The following GNB1L variants were observed in gnomAD, a reference collection of about 807,000 sequenced individuals.
GNB1L encodes guanine nucleotide-binding protein subunit beta-like protein 1.
Under a neutral mutation model 29.1 loss-of-function variants are expected in GNB1L, and 20 were observed. The observed-to-expected ratio is 0.69, with a 90% CI of 0.48 to 1.00. GNB1L has a LOEUF of 1.00. Ranked by LOEUF, GNB1L falls within the 50% of genes least tolerant of loss-of-function variation. The pLI is 0.00. For synonymous variants in GNB1L, 193 were observed against 206.5 expected, an observed-to-expected ratio of 0.93 and a Z score of 0.56; for missense variants, 421 against 464.9, an observed-to-expected ratio of 0.91 and a Z score of 0.87.
rs1435635251 is a variant in GNB1L at position 19,812,306 on chromosome 22, C to T, written c.396G>A (p.Val132=). Residue 132 remains valine, a synonymous_variant, in exon 5 of 8, where the codon GTG becomes GTA. Transcript: ENST00000329517. ...TCACCTCGTCGCTGCCCCTCCCTGG[C>T]ACGGCAAGCGTCCAGCGTGGCTGGC... is the stretch of plus-strand genomic sequence containing the variant. The part of the protein sequence containing the change: ...AGGQPRWTLA[V]PGRGSDEVQI... The T allele has an allele frequency of 1.9e-6, 3 of 1,612,632 alleles. No individual in the cohort carries two copies. The highest frequency in any genetic ancestry group is 2.5e-6 in the Non-Finnish European group (3 of 1,179,784).
chr22:19,825,807 A>G (rs1937615662), intron 2 of GNB1L, among the ~76,000 whole-genome samples: 1 of 150,926 alleles, frequency 6.6e-6, no homozygotes, highest in South Asian at 2.1e-4. Flanking sequence ...AAAATAAATA[A>G]ATTAGCTGGG....
rs180899422 is a variant in GNB1L at position 19,797,348 on chromosome 22, G to C, written c.732+4653C>G. On this transcript the variant is annotated intron_variant, in intron 7 of 7. Transcript: ENST00000329517. ...GGAGCACATGTCACACACGGGAGGGGGGGTGGGGGTGCAGGCGGTGATTTC... is the reference window on the plus strand; with the variant it reads ...GGAGCACATGTCACACACGGGAGGGCGGGTGGGGGTGCAGGCGGTGATTTC... Among the ~76,000 whole-genome samples the C allele has an allele frequency of 2.8e-3, 421 of 152,122 alleles. 2 individuals are homozygous for C. The highest frequency in any genetic ancestry group is 8.9e-3 in the African/African-American group (368 of 41,474).
intron 2 of GNB1L, among the ~76,000 whole-genome samples, chr22:19,834,017 G>A (rs1413515860): frequency 6.6e-6 from 1 of 151,820 alleles, no homozygotes; most frequent in Non-Finnish European, 1.5e-5. Flanking sequence ...AATAGTAAAA[G>A]GTCTAACATT....
intron 5 of GNB1L, among the ~76,000 whole-genome samples, chr22:19,811,060 G>C (rs1046009634): frequency 3.9e-5 from 6 of 152,224 alleles, no homozygotes; most frequent in African/African-American, 7.2e-5. Flanking sequence ...TGTAGACCTT[G>C]GGTCCCGGGG....
At chr22:19,850,089 G>A (rs1457658068) in intron 2 of GNB1L, 14 of 983,036 alleles carry the variant, frequency 1.4e-5, no homozygotes, top group African/African-American at 1.8e-5. Flanking sequence ...GCCCCACCCA[G>A]CTTCTTTGAT....
intron 3 of GNB1L, 30 bp from the exon 4 acceptor site, chr22:19,820,753 G>A (rs753942180): frequency 1.3e-6 from 2 of 1,593,086 alleles, no homozygotes; most frequent in Non-Finnish European, 1.7e-6. Context: ...CAGGGTGTCA[G>A]GGGGCAGAAG....
chr22:19,789,890 T>TA (rs777500406), intron 7 of GNB1L, among the ~76,000 whole-genome samples: 21 of 150,476 alleles, frequency 1.4e-4, no homozygotes, highest in Non-Finnish European at 2.1e-4. Flanking sequence ...ACTTCATAGC[T>TA]AAAAAACCTT....
chr22:19,844,576 G>A (rs528568463), intron 2 of GNB1L, among the ~76,000 whole-genome samples: 1 of 152,348 alleles, frequency 6.6e-6, no homozygotes, highest in Admixed American at 6.5e-5. Flanking sequence ...GAGCCAAGAG[G>A]AAATGCCAGC....
rs1035709556 is a variant in GNB1L, at chr22:19,788,513, G to T, written c.*196C>A. 1.7e-5 allele frequency: 13 copies of T among 745,574 alleles called. No individual in the cohort carries two copies. In the African/African-American group the frequency reaches 1.9e-4, roughly 11 times the overall value. 46.2% of individuals were successfully genotyped at this position (745,574 alleles called of 1,614,324 possible). A position where few individuals can be genotyped will look rare whatever the true frequency, so the allele number is the denominator to read the frequency against. ...CCTCGGACGGCCAGGGCTCTGGCTG[G>T]CCCCCAGAGTCACCGTCCTGTGATG... On this transcript the variant is annotated 3_prime_UTR_variant, in exon 8 of 8. Transcript: ENST00000329517.
At position 19,854,555 on chromosome 22, in the gene GNB1L, C is replaced by T. The variant is rs531844094; in HGVS notation, c.-117-16G>A. On this transcript the variant is annotated splice_polypyrimidine_tract_variant and intron_variant, in intron 1 of 7. Coordinates refer to ENST00000329517, the MANE Select transcript of GNB1L (RefSeq NM_053004.3). ...CAGGCGCCACCTAGAAAGTGGAGAACGAGATCGGCCGCCGTGAGGCCAGGC... is the reference window on the plus strand; with the variant it reads ...CAGGCGCCACCTAGAAAGTGGAGAATGAGATCGGCCGCCGTGAGGCCAGGC... 1.3e-5 allele frequency: 2 copies of T among 152,782 alleles called. No individual in the cohort carries two copies. The highest frequency in any genetic ancestry group is 2.9e-5 in the Non-Finnish European group (2 of 68,184). The allele number at this position is 152,782 out of a possible 1,614,324, so 9.5% of individuals were successfully genotyped here.
intron 7 of GNB1L, among the ~76,000 whole-genome samples, chr22:19,798,477 A>G (rs1937332327): frequency 1.3e-5 from 2 of 152,084 alleles, no homozygotes; most frequent in Admixed American, 6.5e-5. Context: ...CCCTCTTGAC[A>G]GGAATTTGCT....
chr22:19,852,194 T>C (rs759266446), intron 2 of GNB1L: 15 of 1,613,782 alleles, frequency 9.3e-6, no homozygotes, highest in Admixed American at 3.3e-5. Flanking sequence ...TGGATGTGCG[T>C]TGGCATAATT....
chr22:19,806,717 G>A lies in GNB1L; in HGVS notation c.458C>T (p.Ala153Val). ...LEMPSKTSVC[A>V]LKPKADAKLG... ...CTTGGCATCTGCCTTCGGCTTCAGG[G>A]CGCACACTGACGTCTTGGAGGGCAT... Residue 153 changes from alanine (A) to valine (V), a missense_variant, in exon 6 of 8, where the codon GCC (alanine) becomes GTC (valine). Ala to Val is a moderately conservative substitution (Grantham distance 64). Transcript: ENST00000329517. 1.2e-6 allele frequency: 2 copies of A among 1,613,714 alleles called. No individual in the cohort carries two copies. The highest frequency in any genetic ancestry group is 1.1e-5 in the South Asian group (1 of 91,076).
At position 19,812,387 on chromosome 22, in the gene GNB1L, C is replaced by A; in HGVS notation, c.315G>T (p.Val105=). Residue 105 remains valine (V), a synonymous_variant, in exon 5 of 8, where the codon GTG becomes GTT. Coordinates refer to ENST00000329517, the MANE Select transcript of GNB1L (RefSeq NM_053004.3). Reference sequence around the variant, plus strand: ...CCACACTCTCCAAGCACACGGAGTCCACGACAGCGCTCCTGCCCTCCGCGA... The same window carrying A: ...CCACACTCTCCAAGCACACGGAGTCAACGACAGCGCTCCTGCCCTCCGCGA... ...WDLAEGRSAV[V]DSVCLESVGF... 11 of 1,613,470 alleles carry A rather than the reference C, an allele frequency of 6.8e-6. No homozygotes were observed. The highest frequency in any genetic ancestry group is 9.3e-6 in the Non-Finnish European group (11 of 1,179,950).
intron 2 of GNB1L, chr22:19,851,175 C>T: frequency 6.3e-7 from 1 of 1,590,100 alleles, no homozygotes; most frequent in South Asian, 1.1e-5. Context: ...GTTCAGAACC[C>T]AGGAGAAAGT....
chr22:19,785,835 C>CCT lies in GNB1L; in HGVS notation c.*2873_*2874insAG, dbSNP rs77428380. On this transcript the variant is annotated 3_prime_UTR_variant, in exon 8 of 8. Coordinates refer to ENST00000329517, the MANE Select transcript of GNB1L (RefSeq NM_053004.3). The surrounding 1 kb of genome is among the most constrained non-coding windows in gnomAD (Gnocchi z 4.1). ...CAAGCTGGATGTCTGGAGCTGAGACCGTTTCTTCTTCTGTTGTGGGGGTTT... is the reference window on the plus strand; with the variant it reads ...CAAGCTGGATGTCTGGAGCTGAGACCCTGTTTCTTCTTCTGTTGTGGGGGTTT... 0.23 allele frequency: 34,450 copies of CCT among 152,176 alleles called. 4,012 individuals are homozygous for CCT. Among genetic ancestry groups the CCT allele is most frequent in the South Asian group, 0.42 (2,038 of 4,826 alleles). 9.4% of individuals were successfully genotyped at this position (152,176 alleles called of 1,614,324 possible). A position where few individuals can be genotyped will look rare whatever the true frequency, so the allele number is the denominator to read the frequency against.
chr22:19,809,177 A>G (rs1601329026), intron 5 of GNB1L, among the ~76,000 whole-genome samples: 2 of 151,718 alleles, frequency 1.3e-5, no homozygotes. Context: ...GACCATAGCA[A>G]GCAGAGACAC....
intron 7 of GNB1L, among the ~76,000 whole-genome samples, chr22:19,797,345 G>C (rs576544546): frequency 1.3e-5 from 2 of 151,982 alleles, no homozygotes; most frequent in East Asian, 1.9e-4. Context: ...ACACACGGGA[G>C]GGGGGGTGGG....
At chr22:19,806,611 G>T in intron 6 of GNB1L, 48 bp downstream of exon 6, 1 of 1,150,112 alleles carries the variant, frequency 8.7e-7, no homozygotes, top group Non-Finnish European at 1.3e-6. Context: ...ATGACTCATG[G>T]CCGTGGGTGT....
Sources: gnomAD v4.1 joint callset for allele counts (sites outside exome capture counted in the v4.1 genomes callset) on GRCh38, gnomAD v4.1.1 for gene constraint, Gnocchi (gnomAD v3.1) non-coding constraint, MANE v1.5 for transcripts, NCBI Gene and HGNC (gene_info 2026-07-23, HGNC 2026-07-21) for gene names.